Variants in SLC17A1 observed in about 807,000 individuals in gnomAD.
The protein encoded by SLC17A1 is solute carrier family 17 member 1, also known as sodium-dependent phosphate transport protein 1.
A neutral mutation model predicts 53.5 loss-of-function variants in SLC17A1; 51 were observed. That is an observed-to-expected ratio of 0.95 (90% CI 0.76 to 1.20). The LOEUF is 1.20. SLC17A1 is among the 50% of genes most tolerant of loss of function. SLC17A1 has a pLI of 0.00. For synonymous variants in SLC17A1, 179 were observed against 198.8 expected (o/e 0.90, Z 0.84); for missense variants, 538 against 568.2 (o/e 0.95, Z 0.54).
At chr6:25,796,332 T>C (rs1763601970) in intron 12 of SLC17A1, among the ~76,000 whole-genome samples, 1 of 152,156 alleles carries the variant, frequency 6.6e-6, no homozygotes, top group East Asian at 1.9e-4. Context: ...CAATCTTGAG[T>C]TATGCTTGCA....
intron 3 of SLC17A1, among the ~76,000 whole-genome samples, chr6:25,821,017 T>C (rs1225675825): frequency 6.6e-6 from 1 of 151,946 alleles, no homozygotes; most frequent in Non-Finnish European, 1.5e-5. Flanking sequence ...GAAATCTTAA[T>C]GGTAGTAGAG....
chr6:25,758,168 T>G, the SLC17A1 span, among the ~76,000 whole-genome samples: 1 of 152,194 alleles, frequency 6.6e-6, no homozygotes, highest in African/African-American at 2.4e-5. Context: ...TGCACACACA[T>G]GCACACACAC....
At chr6:25,768,724 C>T in the SLC17A1 span, among the ~76,000 whole-genome samples, 3 of 152,162 alleles carry the variant, frequency 2.0e-5, no homozygotes, top group African/African-American at 7.2e-5. Flanking sequence ...CATCCCAGAG[C>T]CCTGCCTAAA....
At chr6:25,725,993 G>C in the SLC17A1 span, 1 of 761,560 alleles carries the variant, frequency 1.3e-6, no homozygotes, top group Non-Finnish European at 2.1e-6. Context: ...ACGGGCATTT[G>C]TGACAGGCAA....
At chr6:25,818,843 C>T (rs1332181455) in intron 6 of SLC17A1, among the ~76,000 whole-genome samples, 1 of 152,134 alleles carries the variant, frequency 6.6e-6, no homozygotes, top group African/African-American at 2.4e-5. Flanking sequence ...ATATCGCCTA[C>T]ATTATAGAAT....
At chr6:25,804,033 T>C (rs992815981) in intron 10 of SLC17A1, among the ~76,000 whole-genome samples, 1 of 152,196 alleles carries the variant, frequency 6.6e-6, no homozygotes, top group Non-Finnish European at 1.5e-5. Context: ...TTCACATACG[T>C]ATATGACAGA....
the SLC17A1 span, chr6:25,731,988 G>T: frequency 6.3e-7 from 1 of 1,585,198 alleles, no homozygotes; most frequent in Non-Finnish European, 8.6e-7. Flanking sequence ...GATACTCATG[G>T]CCTTGGAAGA....
the SLC17A1 span, among the ~76,000 whole-genome samples, chr6:25,731,616 T>G: frequency 1.3e-5 from 2 of 152,254 alleles, no homozygotes; most frequent in African/African-American, 2.4e-5. Flanking sequence ...ATGCAAAGTT[T>G]AGACTTAAAG....
intron 3 of SLC17A1, among the ~76,000 whole-genome samples, 156 bp from the exon 4 acceptor site, chr6:25,820,071 A>G (rs1386257074): frequency 6.6e-6 from 1 of 152,084 alleles, no homozygotes; most frequent in Admixed American, 6.6e-5. Context: ...TTCTTTTATC[A>G]CACCATTTTC....
the SLC17A1 span, chr6:25,761,990 A>T: frequency 6.2e-7 from 1 of 1,613,392 alleles, no homozygotes; most frequent in Non-Finnish European, 8.5e-7. Flanking sequence ...TGTCAAGGCT[A>T]CAGTGGGGGA....
intron 2 of SLC17A1, among the ~76,000 whole-genome samples, chr6:25,828,546 C>A (rs1764833482): frequency 6.6e-6 from 1 of 151,580 alleles, no homozygotes; most frequent in Non-Finnish European, 1.5e-5. Flanking sequence ...TAAGAATAAA[C>A]CTGACTTAGT....
chr6:25,735,558 T>A, the SLC17A1 span, among the ~76,000 whole-genome samples: 2 of 151,978 alleles, frequency 1.3e-5, no homozygotes, highest in South Asian at 2.1e-4. Context: ...GAGCTAAAAG[T>A]TTTTTCACTT....
At chr6:25,830,469 G>A in intron 2 of SLC17A1, 55 bp downstream of exon 2, 12 of 1,271,104 alleles carry the variant, frequency 9.4e-6, no homozygotes, top group Non-Finnish European at 1.4e-5. Flanking sequence ...TGGAATCTGT[G>A]ATGTAATATT....
chr6:25,758,457 C>T, the SLC17A1 span, among the ~76,000 whole-genome samples: 5 of 152,308 alleles, frequency 3.3e-5, no homozygotes, highest in South Asian at 2.1e-4. Flanking sequence ...CCTGCATGGC[C>T]GTTCCTACCC....
the SLC17A1 span, among the ~76,000 whole-genome samples, chr6:25,768,695 A>G: frequency 6.6e-6 from 1 of 151,952 alleles, no homozygotes; most frequent in Non-Finnish European, 1.5e-5. Flanking sequence ...ACTTCTTCCC[A>G]TTCCTATTCT....
At chr6:25,751,379 A>C in the SLC17A1 span, among the ~76,000 whole-genome samples, 1 of 152,238 alleles carries the variant, frequency 6.6e-6, no homozygotes, top group Non-Finnish European at 1.5e-5. Context: ...ATGACTGTTC[A>C]AAAATTTTCC....
At chr6:25,816,848 AT>A (rs5875070) in intron 6 of SLC17A1, among the ~76,000 whole-genome samples, 40,924 of 141,984 alleles carry the variant, frequency 0.29, 5,953 homozygotes, top group East Asian at 0.66. Flanking sequence ...TGGCCAGGCC[AT>A]TTTTTTTTTT....
chr6:25,733,722 A>G, the SLC17A1 span, among the ~76,000 whole-genome samples: 2 of 152,100 alleles, frequency 1.3e-5, no homozygotes, highest in East Asian at 3.8e-4. Context: ...ACTCGTATTT[A>G]TAAGTATAAA....
chr6:25,748,962 G>C, the SLC17A1 span, among the ~76,000 whole-genome samples: 318 of 152,288 alleles, frequency 2.1e-3, 1 homozygote, highest in African/African-American at 7.1e-3. Flanking sequence ...TTTGTACCGA[G>C]ACATTCCATT....
Sources: gnomAD v4.1 joint callset for allele counts (sites outside exome capture counted in the v4.1 genomes callset) on GRCh38, gnomAD v4.1.1 for gene constraint, MANE v1.5 for transcripts, NCBI Gene and HGNC (gene_info 2026-07-23, HGNC 2026-07-21) for gene names.